Variants in PLD5 observed in about 807,000 individuals in gnomAD.
PLD5 encodes the protein inactive phospholipase D5.
A neutral mutation model predicts 61.1 loss-of-function variants in PLD5; 36 were observed. The ratio of observed to expected loss-of-function variants is 0.59; its 90% CI spans 0.45 to 0.78. The LOEUF is 0.78. PLD5 is among the 30% of genes least tolerant of loss of function. The pLI, the probability that PLD5 is intolerant of heterozygous loss-of-function variation, is 0.00. For synonymous variants in PLD5, 243 were observed against 242.8 expected (o/e 1.00, Z -0.01); for missense variants, 515 against 644.4 (o/e 0.80, Z 2.17).
In PLD5 at chr1:242,386,537, A is replaced by C. The variant is rs1255856887; in HGVS notation, c.190-38295T>G. ...GGCCTTCTTTCAGTTTACAGGAAGG[A>C]GAAACAAGGCAAATGTGTCCCAAGC... On this transcript the variant is annotated intron_variant, in intron 1 of 9. Transcript: ENST00000536534. Among the ~76,000 whole-genome samples the C allele has an allele frequency of 2.6e-5, 4 of 152,290 alleles. No homozygotes were observed. The East Asian group carries it at 7.7e-4, about 29-fold the overall frequency.
rs148447130 is a variant in PLD5, at chr1:242,253,860, C to T, written c.607+11477G>A. Among the ~76,000 whole-genome samples the T allele has an allele frequency of 7.6e-4, 115 of 152,200 alleles. 1 individual carries two copies. The East Asian group carries it at 0.017, about 22-fold the overall frequency. ...TAGATTTTATGTGTTTAGATGGGTACGACTATATTATATGTATCAGATGAA... is the reference window on the plus strand; with the variant it reads ...TAGATTTTATGTGTTTAGATGGGTATGACTATATTATATGTATCAGATGAA... On this transcript the variant is annotated intron_variant, in intron 4 of 9. Transcript: ENST00000536534.
intron 5 of PLD5, among the ~76,000 whole-genome samples, chr1:242,202,409 C>T (rs1669039278): frequency 6.6e-6 from 1 of 152,096 alleles, no homozygotes; most frequent in Admixed American, 6.5e-5. Flanking sequence ...AATGTGTAAG[C>T]TTTGATGAAG....
intron 6 of PLD5, among the ~76,000 whole-genome samples, chr1:242,121,930 A>G (rs1330066398): frequency 1.1e-4 from 12 of 105,414 alleles, no homozygotes; most frequent in South Asian, 3.6e-4. Flanking sequence ...ATCACACACC[A>G]GGGCCTGTCA....
intron 2 of PLD5, among the ~76,000 whole-genome samples, chr1:242,292,473 C>T (rs1675423513): frequency 1.3e-5 from 2 of 152,170 alleles, no homozygotes; most frequent in African/African-American, 4.8e-5. Flanking sequence ...TCCATAACAT[C>T]GCCTTCTTCG....
At chr1:242,422,247 T>A (rs1271294196) in intron 1 of PLD5, among the ~76,000 whole-genome samples, 1 of 152,156 alleles carries the variant, frequency 6.6e-6, no homozygotes, top group Non-Finnish European at 1.5e-5. Context: ...AGAACATCTG[T>A]TCCAAAGCAA....
At position 242,241,910 on chromosome 1, in the gene PLD5, T is replaced by TATACAC. The variant is rs1210639780; in HGVS notation, c.608-21796_608-21795insGTGTAT. Among the ~76,000 whole-genome samples, 171 of 50,376 alleles carry TATACAC rather than the reference T, an allele frequency of 3.4e-3. 4 individuals carry two copies. The highest frequency in any genetic ancestry group is 5.3e-3 in the South Asian group (7 of 1,324). 33.0% of individuals were successfully genotyped at this position (50,376 alleles called of 152,430 possible). ...ATATATATATATATATATATATATA[T>TATACAC]ACTTACTGTATATATATATACGCTT... On this transcript the variant is annotated intron_variant, in intron 4 of 9. Transcript: ENST00000536534.
At chr1:242,315,310 A>C (rs1234389797) in intron 2 of PLD5, among the ~76,000 whole-genome samples, 2 of 152,252 alleles carry the variant, frequency 1.3e-5, no homozygotes, top group Admixed American at 6.5e-5. Context: ...AAATACATGG[A>C]GTCTAAATCA....
chr1:242,255,465 C>G (rs1177716517), intron 4 of PLD5, among the ~76,000 whole-genome samples: 1 of 152,194 alleles, frequency 6.6e-6, no homozygotes, highest in East Asian at 1.9e-4. Flanking sequence ...ACTAGGGCAG[C>G]TTGCATTAAC....
At chr1:242,408,068 TTAAAAATAAAA>T (rs1214178120) in intron 1 of PLD5, among the ~76,000 whole-genome samples, 16 of 151,598 alleles carry the variant, frequency 1.1e-4, no homozygotes, top group African/African-American at 2.7e-4. Context: ...ATCAAAACAC[TTAAAAATAAAA>T]TAAACTTTCT....
In PLD5 at chr1:242,212,381, C is replaced by G. The variant is rs186514404; in HGVS notation, c.735+7607G>C. Among the ~76,000 whole-genome samples, 110 of 152,278 alleles carry G rather than the reference C, an allele frequency of 7.2e-4. 1 individual carries two copies. In the East Asian group the frequency reaches 0.018, roughly 25 times the overall value. On this transcript the variant is annotated intron_variant, in intron 5 of 9. Transcript: ENST00000536534. Reference sequence around the variant, plus strand: ...TTCTTTTAACGCTTATTTAAAAATACGAAAAAACATTAAAGACCAGAGCTG... The same window carrying G: ...TTCTTTTAACGCTTATTTAAAAATAGGAAAAAACATTAAAGACCAGAGCTG...
intron 5 of PLD5, chr1:242,203,516 G>C (rs1669123838): frequency 6.6e-6 from 1 of 152,298 alleles, no homozygotes; most frequent in Non-Finnish European, 1.5e-5. Context: ...GGGTCCTGGA[G>C]GTGGATCCCT....
At chr1:242,114,502 T>G (rs1661789459) in intron 6 of PLD5, among the ~76,000 whole-genome samples, 1 of 152,194 alleles carries the variant, frequency 6.6e-6, no homozygotes, top group South Asian at 2.1e-4. Context: ...TACGGTCCTA[T>G]AGAACAAGGG....
In PLD5 at chr1:242,218,637, T is replaced by G. The variant is rs190078869; in HGVS notation, c.735+1351A>C. On this transcript the variant is annotated intron_variant, in intron 5 of 9. Transcript: ENST00000536534. Reference sequence around the variant, plus strand: ...TGTTAGATTTTGTTAAAGAAAAGGGTGACAGAGAAAATCTGTAACTTAGCA... The same window carrying G: ...TGTTAGATTTTGTTAAAGAAAAGGGGGACAGAGAAAATCTGTAACTTAGCA... Among the ~76,000 whole-genome samples the G allele has an allele frequency of 2.0e-5, 3 of 152,310 alleles. No homozygotes were observed. In the East Asian group the frequency reaches 5.8e-4, roughly 29 times the overall value.
At chr1:242,296,311 T>G (rs550882105) in intron 2 of PLD5, among the ~76,000 whole-genome samples, 198 of 152,378 alleles carry the variant, frequency 1.3e-3, no homozygotes, top group Admixed American at 1.9e-3. Context: ...AAATATTTTC[T>G]CCCATTCTGT....
At chr1:242,489,362 C>T (rs1374018707) in intron 1 of PLD5, among the ~76,000 whole-genome samples, 2 of 133,600 alleles carry the variant, frequency 1.5e-5, no homozygotes, top group South Asian at 5.0e-4. Flanking sequence ...AGTCACACCT[C>T]GATACATTTG....
intron 3 of PLD5, among the ~76,000 whole-genome samples, chr1:242,280,002 T>C (rs1414746807): frequency 6.6e-6 from 1 of 152,104 alleles, no homozygotes; most frequent in African/African-American, 2.4e-5. Context: ...GTAAATGTCC[T>C]GCATCAAAAC....
In PLD5 at chr1:242,098,698, G is replaced by A. The variant is rs187133117; in HGVS notation, c.1354+1970C>T. 1.4e-3 allele frequency among the ~76,000 whole-genome samples: 213 copies of A among 152,184 alleles called. 1 individual carries two copies. Among genetic ancestry groups the A allele is most frequent in the Non-Finnish European group, 5.3e-4 (36 of 68,012 alleles). The stretch of plus-strand genomic sequence containing the variant: ...TCCCCATCTTCATGGTTTTATCTAC[G>A]TTTGGTCTTTGATGATGGTGACGTA... On this transcript the variant is annotated intron_variant, in intron 9 of 9. Transcript: ENST00000536534.
At chr1:242,245,392 C>A (rs886790833) in intron 4 of PLD5, among the ~76,000 whole-genome samples, 4 of 152,184 alleles carry the variant, frequency 2.6e-5, no homozygotes, top group African/African-American at 9.6e-5. Flanking sequence ...ATCAGCTTTG[C>A]TTCGTGCATA....
At position 242,100,789 on chromosome 1, in the gene PLD5, G is replaced by T. The variant is rs760707067; in HGVS notation, c.1240-7C>A. On this transcript the variant is annotated splice_region_variant and splice_polypyrimidine_tract_variant and intron_variant, in intron 8 of 9. Coordinates refer to ENST00000536534, the MANE Select transcript of PLD5 (RefSeq NM_001372062.1). ...TTTCCAGATCAAAAAATTTCTGTAA[G>T]AAAAAAAAAAAGGGGGCAGGTAAAT... 1.6e-6 allele frequency: 2 copies of T among 1,287,802 alleles called. No individual in the cohort carries two copies. The highest frequency in any genetic ancestry group is 2.1e-6 in the Non-Finnish European group (2 of 951,538). The allele number at this position is 1,287,802 out of a possible 1,614,324, so 79.8% of individuals were successfully genotyped here. A position where few individuals can be genotyped will look rare whatever the true frequency, so the allele number is the denominator to read the frequency against.
Sources: gnomAD v4.1 joint callset for allele counts (sites outside exome capture counted in the v4.1 genomes callset) on GRCh38, gnomAD v4.1.1 for gene constraint, MANE v1.5 for transcripts, NCBI Gene and HGNC (gene_info 2026-07-23, HGNC 2026-07-21) for gene names.